Variants in SEMA6D observed in about 807,000 individuals in gnomAD.
SEMA6D encodes semaphorin 6D, also known as semaphorin-6D.
In SEMA6D, 35 loss-of-function variants were observed where a neutral mutation model predicts 106.6. The observed-to-expected ratio is 0.33, with a 90% CI of 0.25 to 0.44. SEMA6D has a LOEUF of 0.44. Ranked by LOEUF, SEMA6D falls within the 20% of genes least tolerant of loss-of-function variation. The pLI is 1.00. For synonymous variants in SEMA6D, 499 were observed against 487.7 expected (o/e 1.02, Z -0.31); for missense variants, 1,185 against 1,345.9 (o/e 0.88, Z 1.87).
At position 47,661,653 on chromosome 15, in the gene SEMA6D, G is replaced by A. The variant is rs577530595; in HGVS notation, c.-55+60757G>A. 7.2e-5 allele frequency among the ~76,000 whole-genome samples: 11 copies of A among 152,292 alleles called. No homozygotes were observed. In the South Asian group the frequency reaches 1.0e-3, roughly 14 times the overall value. ...ACTTTGAAGGTAAGACTGTTTGTGC[G>A]TCCAAGAAGAATAATGACCAGCTTG... On this transcript the variant is annotated intron_variant, in intron 4 of 19. Transcript: ENST00000558014.
chr15:47,521,997 A>G (rs547301561), intron 3 of SEMA6D, among the ~76,000 whole-genome samples: 1,622 of 152,238 alleles, frequency 0.011, 32 homozygotes, highest in African/African-American at 0.037. Flanking sequence ...AAAAAAAAAA[A>G]AAAGAAAGAT....
At chr15:47,377,136 T>C (rs1467687587) in intron 1 of SEMA6D, among the ~76,000 whole-genome samples, 3 of 152,218 alleles carry the variant, frequency 2.0e-5, no homozygotes, top group Admixed American at 6.5e-5. Context: ...CCTTGAATTA[T>C]TAAATTTTAA....
chr15:47,606,503 A>G lies in SEMA6D; in HGVS notation c.-55+5607A>G, dbSNP rs1187614635. ...ACAGTACCTTTTATGACCTAGCTTC[A>G]GAAGTGACATGCCATCACTTCTGCT... is the stretch of plus-strand genomic sequence containing the variant. On this transcript the variant is annotated intron_variant, in intron 4 of 19. Coordinates refer to the SEMA6D transcript ENST00000558014. Among the ~76,000 whole-genome samples, 7 of 152,166 alleles carry G rather than the reference A, an allele frequency of 4.6e-5. No individual in the cohort carries two copies. In the East Asian group the frequency reaches 1.2e-3, roughly 25 times the overall value.
At chr15:47,250,227 C>T (rs945964056) in intron 1 of SEMA6D, among the ~76,000 whole-genome samples, 6 of 151,932 alleles carry the variant, frequency 3.9e-5, no homozygotes, top group African/African-American at 4.8e-5. Flanking sequence ...TATCTATTAA[C>T]GGAAATGGAT....
At chr15:47,735,505 C>G (rs2080392851) in intron 1 of SEMA6D, among the ~76,000 whole-genome samples, 1 of 152,128 alleles carries the variant, frequency 6.6e-6, no homozygotes, top group Non-Finnish European at 1.5e-5. Flanking sequence ...TTCAGATACA[C>G]TTGTTTTTCA....
chr15:47,297,943 G>C (rs903091848), intron 1 of SEMA6D, among the ~76,000 whole-genome samples: 1 of 152,180 alleles, frequency 6.6e-6, no homozygotes, highest in African/African-American at 2.4e-5. Context: ...GCTGAAATGA[G>C]GGATAGAGGA....
intron 2 of SEMA6D, among the ~76,000 whole-genome samples, chr15:47,429,835 A>T (rs1319656524): frequency 6.6e-6 from 1 of 152,050 alleles, no homozygotes; most frequent in Admixed American, 6.6e-5. Context: ...AACTTAGTTG[A>T]CCTTCTTCAA....
At chr15:47,737,804 G>A (rs1053571722) in intron 1 of SEMA6D, among the ~76,000 whole-genome samples, 2 of 152,166 alleles carry the variant, frequency 1.3e-5, no homozygotes, top group South Asian at 4.1e-4. Context: ...TAAGTCAAAG[G>A]TTAGTTTTCT....
chr15:47,693,618 G>A (rs984754965), intron 4 of SEMA6D, among the ~76,000 whole-genome samples: 8 of 151,986 alleles, frequency 5.3e-5, no homozygotes, highest in African/African-American at 1.9e-4. Context: ...TCAAATGCTT[G>A]GGGACCCCAG....
At chr15:47,725,945 A>G (rs2079718632) in intron 1 of SEMA6D, among the ~76,000 whole-genome samples, 1 of 152,260 alleles carries the variant, frequency 6.6e-6, no homozygotes, top group Non-Finnish European at 1.5e-5. Context: ...TTAAAGATCA[A>G]TCAGAAATTA....
chr15:47,392,478 T>C (rs2040069732), intron 1 of SEMA6D, among the ~76,000 whole-genome samples: 1 of 149,914 alleles, frequency 6.7e-6, no homozygotes, highest in Non-Finnish European at 1.5e-5. Context: ...CAGGGACAGA[T>C]GTGAGTATGC....
intron 1 of SEMA6D, among the ~76,000 whole-genome samples, chr15:47,302,940 G>A (rs2036079961): frequency 6.6e-6 from 1 of 152,164 alleles, no homozygotes; most frequent in South Asian, 2.1e-4. Flanking sequence ...AAGGTAGGTA[G>A]TACACTAACC....
rs1328391493 is a variant in SEMA6D, at chr15:47,367,688, GCGCGCACA to G, written c.-238-44703_-238-44696del. Among the ~76,000 whole-genome samples, 30 of 44,252 alleles carry G rather than the reference GCGCGCACA, an allele frequency of 6.8e-4. No individual in the cohort carries two copies. The South Asian group carries it at 6.8e-3, about 10-fold the overall frequency. The allele number at this position is 44,252 out of a possible 152,430, so 29.0% of individuals were successfully genotyped here. On this transcript the variant is annotated intron_variant, in intron 1 of 19. Transcript: ENST00000558014. ...AACACGCACGCTCACACGCGCGCGCGCGCGCACACACACACACACACACACACACACAC... is the reference window on the plus strand; with the variant it reads ...AACACGCACGCTCACACGCGCGCGCGCACACACACACACACACACACACAC...
intron 1 of SEMA6D, among the ~76,000 whole-genome samples, chr15:47,753,476 GAC>G (rs2081556020): frequency 6.6e-6 from 1 of 152,296 alleles, no homozygotes; most frequent in African/African-American, 2.4e-5. Flanking sequence ...ATTGACCATT[GAC>G]AACCTAAGAT....
chr15:47,418,249 G>C (rs1480121130), intron 2 of SEMA6D, among the ~76,000 whole-genome samples: 1 of 152,106 alleles, frequency 6.6e-6, no homozygotes, highest in South Asian at 2.1e-4. Flanking sequence ...TGAGACAAGA[G>C]AATGGGTAGT....
chr15:47,286,112 C>T (rs1320400862), intron 1 of SEMA6D, among the ~76,000 whole-genome samples: 3 of 152,148 alleles, frequency 2.0e-5, no homozygotes, highest in Non-Finnish European at 4.4e-5. Flanking sequence ...CTGGGTTGGA[C>T]CTGTCTAGCC....
chr15:47,437,806 G>C (rs1374917156), intron 2 of SEMA6D, among the ~76,000 whole-genome samples: 1 of 151,856 alleles, frequency 6.6e-6, no homozygotes, highest in Non-Finnish European at 1.5e-5. Flanking sequence ...AAAACCTTGG[G>C]CTCTCTCTCT....
intron 1 of SEMA6D, among the ~76,000 whole-genome samples, chr15:47,750,559 G>A (rs971010577): frequency 7.2e-5 from 11 of 152,136 alleles, no homozygotes; most frequent in Non-Finnish European, 1.3e-4. Context: ...CTCCTGTCAG[G>A]CCCTTCCTTG....
At chr15:47,458,695 A>T (rs2042414388) in intron 2 of SEMA6D, among the ~76,000 whole-genome samples, 1 of 152,048 alleles carries the variant, frequency 6.6e-6, no homozygotes, top group South Asian at 2.1e-4. Context: ...AAAAATGTGT[A>T]GGATGCTGTT....
Sources: allele counts gnomAD v4.1 joint callset (sites outside exome capture counted in the v4.1 genomes callset), GRCh38; gene constraint gnomAD v4.1.1; transcripts MANE v1.5; gene names NCBI Gene and HGNC (gene_info 2026-07-23, HGNC 2026-07-21).